Variants in NAALADL2 observed in about 807,000 individuals in gnomAD.
The protein encoded by NAALADL2 is N-acetylated alpha-linked acidic dipeptidase like 2.
In NAALADL2, 76 loss-of-function variants were observed where a neutral mutation model predicts 87.2. The ratio of observed to expected loss-of-function variants is 0.87; its 90% CI spans 0.72 to 1.05. The LOEUF is 1.05. Ranked by LOEUF, NAALADL2 falls within the 50% of genes least tolerant of loss-of-function variation. The pLI, the probability that NAALADL2 is intolerant of heterozygous loss-of-function variation, is 0.00. For missense variants in NAALADL2, 1,089 were observed against 945.8 expected (o/e 1.15, Z -1.99); for synonymous variants, 354 against 331.0 (o/e 1.07, Z -0.75).
chr3:175,457,372 C>G (rs541464079), intron 6 of NAALADL2, among the ~76,000 whole-genome samples: 1 of 152,156 alleles, frequency 6.6e-6, no homozygotes, highest in South Asian at 2.1e-4. Context: ...ATTGAAGTTA[C>G]TTTATAATTT....
In NAALADL2 at chr3:175,175,800, A is replaced by G. The variant is rs547774688; in HGVS notation, c.546-58131A>G. Among the ~76,000 whole-genome samples, 3 of 152,274 alleles carry G rather than the reference A, an allele frequency of 2.0e-5. No individual in the cohort carries two copies. In the South Asian group the frequency reaches 6.2e-4, roughly 32 times the overall value. ...AACATTATGTTCTGAACATACAGGA[A>G]TTATCTTCTTAATATTCAGATGTCA... On this transcript the variant is annotated intron_variant, in intron 2 of 13. Transcript: ENST00000454872.
intron 5 of NAALADL2, among the ~76,000 whole-genome samples, chr3:175,421,599 G>A (rs6799253): frequency 0.57 from 86,335 of 151,856 alleles, 25,255 homozygotes; most frequent in East Asian, 0.66. Context: ...TACACAGAAG[G>A]GCAAACAAAT....
intron 2 of NAALADL2, among the ~76,000 whole-genome samples, chr3:174,661,625 G>C (rs1418649008): frequency 6.6e-6 from 1 of 151,738 alleles, no homozygotes; most frequent in Non-Finnish European, 1.5e-5. Flanking sequence ...TTGTTACCTG[G>C]GTATGTTGTG....
At chr3:175,278,197 T>G (rs1753849988) in intron 4 of NAALADL2, among the ~76,000 whole-genome samples, 1 of 152,182 alleles carries the variant, frequency 6.6e-6, no homozygotes, top group Non-Finnish European at 1.5e-5. Context: ...TACTACATGA[T>G]AAATTCATAA....
At chr3:175,208,029 TAGAA>T (rs1421328893) in intron 2 of NAALADL2, among the ~76,000 whole-genome samples, 1 of 152,010 alleles carries the variant, frequency 6.6e-6, no homozygotes, top group Non-Finnish European at 1.5e-5. Flanking sequence ...GCTAAACAAA[TAGAA>T]AGGAAGCAAA....
rs531696559 is a variant in NAALADL2, at chr3:175,049,530, A to G, written c.44-47260A>G. 3.3e-5 allele frequency among the ~76,000 whole-genome samples: 5 copies of G among 152,334 alleles called. No individual in the cohort carries two copies. In the East Asian group the frequency reaches 9.7e-4, roughly 29 times the overall value. On this transcript the variant is annotated intron_variant, in intron 1 of 13. Transcript: ENST00000454872. ...GGCCTGGCCAGCCAATGCTATCGTC[A>G]GGACTCCATCCTTTGTATCCCCTCT...
intron 1 of NAALADL2, among the ~76,000 whole-genome samples, chr3:174,473,128 C>G (rs528021474): frequency 6.6e-6 from 1 of 152,156 alleles, no homozygotes; most frequent in South Asian, 2.1e-4. Flanking sequence ...ATCTTCAAAC[C>G]AAAATTTTCA....
intron 4 of NAALADL2, among the ~76,000 whole-genome samples, chr3:175,320,184 A>G (rs1047479164): frequency 2.0e-5 from 3 of 152,186 alleles, no homozygotes; most frequent in Non-Finnish European, 2.9e-5. Context: ...ATTGTTTTTC[A>G]TATGAGATAA....
chr3:175,719,490 A>G (rs567022047), intron 11 of NAALADL2, among the ~76,000 whole-genome samples: 2 of 152,350 alleles, frequency 1.3e-5, no homozygotes, highest in Admixed American at 1.3e-4. Context: ...AGTTAGAAAC[A>G]TAAAGTAAAA....
At chr3:174,538,141 A>C (rs1418861180) in intron 1 of NAALADL2, among the ~76,000 whole-genome samples, 1 of 152,164 alleles carries the variant, frequency 6.6e-6, no homozygotes, top group East Asian at 1.9e-4. Context: ...TTTATCACTG[A>C]TCAGTTGTCA....
intron 5 of NAALADL2, among the ~76,000 whole-genome samples, chr3:175,324,665 C>T (rs1022019009): frequency 6.6e-6 from 1 of 152,032 alleles, no homozygotes; most frequent in Admixed American, 6.6e-5. Flanking sequence ...GTACAGATAC[C>T]CAGGAGCATG....
At chr3:175,528,294 C>T (rs958042635) in intron 9 of NAALADL2, among the ~76,000 whole-genome samples, 9 of 152,078 alleles carry the variant, frequency 5.9e-5, no homozygotes, top group African/African-American at 1.9e-4. Context: ...AACAGAAGAA[C>T]TTGGAGTCCA....
intron 3 of NAALADL2, among the ~76,000 whole-genome samples, chr3:174,770,847 CAA>C (rs11348105): frequency 4.0e-4 from 54 of 136,438 alleles, no homozygotes; most frequent in Non-Finnish European, 3.6e-4. Context: ...CTCGGTCTAA[CAA>C]AAAAAAAAAA....
At chr3:175,684,520 C>A (rs1346525055) in intron 11 of NAALADL2, among the ~76,000 whole-genome samples, 2 of 152,136 alleles carry the variant, frequency 1.3e-5, no homozygotes, top group African/African-American at 2.4e-5. Flanking sequence ...TTAGGCCCAA[C>A]ACAGTGGCTA....
chr3:175,051,520 C>T (rs1421345097), intron 1 of NAALADL2, among the ~76,000 whole-genome samples: 1 of 152,152 alleles, frequency 6.6e-6, no homozygotes, highest in Non-Finnish European at 1.5e-5. Context: ...GTCCCCTGTT[C>T]CATAGCTTCT....
Position 175,394,132 on chromosome 3 carries a change from G to T in NAALADL2, c.1091-53097G>T, listed in dbSNP as rs536153022. ...TCCTGAGGAAAAAGAAAATCCTTTGGATTTCCAACAAATAAATTTTACTTT... is the reference window on the plus strand; with the variant it reads ...TCCTGAGGAAAAAGAAAATCCTTTGTATTTCCAACAAATAAATTTTACTTT... On this transcript the variant is annotated intron_variant, in intron 5 of 13. Coordinates refer to ENST00000454872, the MANE Select transcript of NAALADL2 (RefSeq NM_207015.3). 7.2e-5 allele frequency among the ~76,000 whole-genome samples: 11 copies of T among 152,010 alleles called. No individual in the cohort carries two copies. In the East Asian group the frequency reaches 1.9e-3, roughly 27 times the overall value.
intron 3 of NAALADL2, among the ~76,000 whole-genome samples, chr3:174,752,396 T>C (rs1240316399): frequency 1.3e-5 from 2 of 152,210 alleles, no homozygotes; most frequent in African/African-American, 4.8e-5. Flanking sequence ...GGTTTTTATC[T>C]CTTGAATTCA....
intron 3 of NAALADL2, among the ~76,000 whole-genome samples, chr3:174,799,624 A>C (rs1010448037): frequency 2.0e-5 from 3 of 152,180 alleles, no homozygotes; most frequent in Non-Finnish European, 4.4e-5. Context: ...CTTTATCAGC[A>C]GTGTGAAAAT....
In NAALADL2 at chr3:175,120,038, G is replaced by A. The variant is rs991494330; in HGVS notation, c.545+22747G>A. Among the ~76,000 whole-genome samples the A allele has an allele frequency of 3.6e-5, 5 of 140,336 alleles. No homozygotes were observed. The South Asian group carries it at 1.2e-3, about 33-fold the overall frequency. The allele number at this position is 140,336 out of a possible 152,430, so 92.1% of individuals were successfully genotyped here. A position where few individuals can be genotyped will look rare whatever the true frequency, so the allele number is the denominator to read the frequency against. ...GAAGTTTGAATCATGCAAAACCCATGGAAATGGAAGCAAGGGAATGGATTT... is the reference window on the plus strand; with the variant it reads ...GAAGTTTGAATCATGCAAAACCCATAGAAATGGAAGCAAGGGAATGGATTT... On this transcript the variant is annotated intron_variant, in intron 2 of 13. Transcript: ENST00000454872.
Sources: allele counts gnomAD v4.1 joint callset (sites outside exome capture counted in the v4.1 genomes callset), GRCh38; gene constraint gnomAD v4.1.1; transcripts MANE v1.5; gene names NCBI Gene and HGNC (gene_info 2026-07-23, HGNC 2026-07-21).